The following PTPRD variants were observed in gnomAD, a reference collection of about 807,000 sequenced individuals.
PTPRD encodes receptor-type tyrosine-protein phosphatase delta.
A neutral mutation model predicts 214.5 loss-of-function variants in PTPRD; 34 were observed. That is an observed-to-expected ratio of 0.16 (90% confidence interval 0.12 to 0.21). PTPRD has a LOEUF of 0.21. Ranked by LOEUF, PTPRD falls within the 10% of genes least tolerant of loss-of-function variation. The pLI, the probability that PTPRD is intolerant of heterozygous loss-of-function variation, is 1.00. For synonymous variants in PTPRD, 1,128 were observed against 845.7 expected (o/e 1.33, Z -5.79); for missense variants, 2,545 against 2,398.7 (o/e 1.06, Z -1.27).
intron 2 of PTPRD, among the ~76,000 whole-genome samples, chr9:10,396,038 G>C (rs74455715): frequency 0.041 from 6,170 of 151,556 alleles, 205 homozygotes; most frequent in South Asian, 0.14. Context: ...TGATTTCCTG[G>C]TGCCTTTAGA....
intron 10 of PTPRD, among the ~76,000 whole-genome samples, chr9:9,160,325 C>T (rs1013822653): frequency 1.1e-4 from 16 of 152,170 alleles, no homozygotes; most frequent in African/African-American, 3.8e-4. Context: ...GGAACTCAAA[C>T]AACTCAATAG....
intron 11 of PTPRD, among the ~76,000 whole-genome samples, chr9:8,875,262 A>G (rs1431963869): frequency 2.0e-5 from 3 of 152,210 alleles, no homozygotes; most frequent in Admixed American, 6.5e-5. Context: ...GTGGTAGCCC[A>G]TGCCTATAAT....
At chr9:9,108,101 G>A (rs982344198) in intron 10 of PTPRD, among the ~76,000 whole-genome samples, 2 of 151,886 alleles carry the variant, frequency 1.3e-5, no homozygotes, top group East Asian at 1.9e-4. Context: ...AAACCCTTAG[G>A]GCTCATATCA....
chr9:10,055,814 T>C (rs2097627585), intron 3 of PTPRD, among the ~76,000 whole-genome samples: 1 of 151,412 alleles, frequency 6.6e-6, no homozygotes. Context: ...ATAAATATAA[T>C]GTATAATGTA....
chr9:9,247,624 T>C (rs1343447643), intron 9 of PTPRD, among the ~76,000 whole-genome samples: 1 of 152,030 alleles, frequency 6.6e-6, no homozygotes, highest in Admixed American at 6.6e-5. Context: ...CAACTCTACA[T>C]AGCCAAAGCC....
At chr9:9,264,330 T>A (rs1461248219) in intron 9 of PTPRD, among the ~76,000 whole-genome samples, 1 of 151,392 alleles carries the variant, frequency 6.6e-6, no homozygotes, top group African/African-American at 2.4e-5. Context: ...AAGAAAGAGA[T>A]AGAAATCATA....
chr9:8,666,088 A>G (rs2097164894), intron 12 of PTPRD, among the ~76,000 whole-genome samples: 1 of 151,742 alleles, frequency 6.6e-6, no homozygotes, highest in Non-Finnish European at 1.5e-5. Context: ...AACTATCAGC[A>G]TTTACAGCTT....
intron 12 of PTPRD, among the ~76,000 whole-genome samples, chr9:8,730,163 G>A (rs1045723604): frequency 6.6e-6 from 1 of 152,168 alleles, no homozygotes; most frequent in Non-Finnish European, 1.5e-5. Context: ...GGCTGAGACA[G>A]GAGAATGGCG....
chr9:9,918,628 C>T (rs764987294), intron 5 of PTPRD, among the ~76,000 whole-genome samples: 9 of 152,010 alleles, frequency 5.9e-5, no homozygotes, highest in African/African-American at 2.2e-4. Flanking sequence ...AAACTGAAGG[C>T]GTGACGCTAC....
At chr9:8,736,807 T>C (rs117200420) in intron 11 of PTPRD, among the ~76,000 whole-genome samples, 4 of 152,122 alleles carry the variant, frequency 2.6e-5, no homozygotes, top group Non-Finnish European at 4.4e-5. Context: ...GCTATTGTTA[T>C]CAATCGCCTC....
At position 10,232,025 on chromosome 9, in the gene PTPRD, TGTGA is replaced by T. The variant is rs200338388; in HGVS notation, c.-545+108934_-545+108937del. On this transcript the variant is annotated intron_variant, in intron 3 of 45. Coordinates refer to ENST00000381196, the MANE Select transcript of PTPRD (RefSeq NM_002839.4). Reference sequence around the variant, plus strand: ...GTGTGTGTGTGTGTGTGTGTGTGTGTGTGAGGTGCACTCTGGCTGTTATAAAGCG... The same window carrying T: ...GTGTGTGTGTGTGTGTGTGTGTGTGTGGTGCACTCTGGCTGTTATAAAGCG... 8.2e-3 allele frequency among the ~76,000 whole-genome samples: 1,209 copies of T among 146,612 alleles called. 17 individuals carry two copies. The highest frequency in any genetic ancestry group is 0.019 in the East Asian group (95 of 5,026).
chr9:10,071,274 T>C (rs2098008709), intron 3 of PTPRD, among the ~76,000 whole-genome samples: 1 of 151,994 alleles, frequency 6.6e-6, no homozygotes, highest in Admixed American at 6.6e-5. Flanking sequence ...TGATTCTTGA[T>C]TGTAAAATTT....
chr9:8,820,058 T>C, intron 11 of PTPRD, among the ~76,000 whole-genome samples: 1 of 152,316 alleles, frequency 6.6e-6, no homozygotes, highest in East Asian at 1.9e-4. Context: ...TTTCATTCTC[T>C]GTTTGTAAGA....
intron 9 of PTPRD, among the ~76,000 whole-genome samples, chr9:9,357,650 T>G (rs1175713397): frequency 2.0e-5 from 3 of 151,070 alleles, no homozygotes; most frequent in Non-Finnish European, 3.0e-5. Flanking sequence ...ATAGGTCTTT[T>G]GGCTATAAGG....
At chr9:10,169,154 A>C (rs529492780) in intron 3 of PTPRD, among the ~76,000 whole-genome samples, 58 of 152,246 alleles carry the variant, frequency 3.8e-4, no homozygotes, top group Non-Finnish European at 7.6e-4. Context: ...TTGATGTCCA[A>C]ATCCTATGAA....
At chr9:10,325,715 T>G (rs538954539) in intron 3 of PTPRD, among the ~76,000 whole-genome samples, 3 of 152,058 alleles carry the variant, frequency 2.0e-5, no homozygotes, top group African/African-American at 7.2e-5. Context: ...CTGATTAAAT[T>G]TGTTTAACCT....
intron 14 of PTPRD, among the ~76,000 whole-genome samples, chr9:8,568,699 G>T (rs929574811): frequency 6.6e-6 from 1 of 152,026 alleles, no homozygotes; most frequent in Non-Finnish European, 1.5e-5. Flanking sequence ...ACTGATTTTT[G>T]AATCAAAAGT....
Position 8,548,856 on chromosome 9 carries a change from A to G in PTPRD, c.353-20077T>C, listed in dbSNP as rs529484925. Among the ~76,000 whole-genome samples, 467 of 151,388 alleles carry G rather than the reference A, an allele frequency of 3.1e-3. 1 individual carries two copies. The highest frequency in any genetic ancestry group is 4.0e-3 in the Non-Finnish European group (272 of 67,798). On this transcript the variant is annotated intron_variant, in intron 14 of 45. Transcript: ENST00000381196. ...ATTACAGGCATGCACCACCATGCCC[A>G]GCTAATTTTGTATTTTTAGTAGAGA... is the stretch of plus-strand genomic sequence containing the variant.
intron 10 of PTPRD, among the ~76,000 whole-genome samples, chr9:9,123,831 G>C (rs1009394113): frequency 2.0e-5 from 3 of 152,114 alleles, no homozygotes; most frequent in Admixed American, 1.3e-4. Context: ...TTGATGAGGG[G>C]TCAACAGGAA....
Sources: allele counts gnomAD v4.1 joint callset (sites outside exome capture counted in the v4.1 genomes callset), GRCh38; gene constraint gnomAD v4.1.1; transcripts MANE v1.5; gene names NCBI Gene and HGNC (gene_info 2026-07-23, HGNC 2026-07-21).